The following EBF2 variants were observed in gnomAD, a reference collection of about 807,000 sequenced individuals.
EBF2 encodes EBF transcription factor 2.
Under a neutral mutation model 72.8 loss-of-function variants are expected in EBF2, and 21 were observed. The ratio of observed to expected loss-of-function variants is 0.29; its 90% CI spans 0.20 to 0.42. The LOEUF (loss-of-function observed/expected upper bound fraction) is 0.42, where lower values mean the gene tolerates loss of function less well. Ranked by LOEUF, EBF2 falls within the 10% of genes least tolerant of loss-of-function variation. The pLI, the probability that EBF2 is intolerant of heterozygous loss-of-function variation, is 1.00. For missense variants in EBF2, 637 were observed against 731.2 expected, an observed-to-expected ratio of 0.87 and a Z score of 1.49; for synonymous variants, 299 against 274.2, an observed-to-expected ratio of 1.09 and a Z score of -0.89.
rs185796202 is a variant in EBF2 at position 26,009,873 on chromosome 8, A to C, written c.551+23212T>G. Among the ~76,000 whole-genome samples, 5 of 152,348 alleles carry C rather than the reference A, an allele frequency of 3.3e-5. No individual in the cohort carries two copies. The East Asian group carries it at 9.6e-4, about 29-fold the overall frequency. On this transcript the variant is annotated intron_variant, in intron 6 of 15. Transcript: ENST00000520164. ...CTGCTGACATCCTAAGCCAAGAAGA[A>C]AAACATGCATTTAAAGAACAAGGAG...
chr8:26,004,036 C>T (rs1804786813), intron 6 of EBF2, among the ~76,000 whole-genome samples: 1 of 151,602 alleles, frequency 6.6e-6, no homozygotes, highest in Admixed American at 6.6e-5. Flanking sequence ...AGGACTTTCA[C>T]TTCTAGGTGT....
chr8:25,997,270 T>A (rs1017471899), intron 6 of EBF2, among the ~76,000 whole-genome samples: 2 of 152,028 alleles, frequency 1.3e-5, no homozygotes, highest in African/African-American at 4.8e-5. Flanking sequence ...ATGCAATAGT[T>A]AAGAAAAAGA....
chr8:26,006,469 T>C (rs1169585007), intron 6 of EBF2, among the ~76,000 whole-genome samples: 3 of 152,226 alleles, frequency 2.0e-5, no homozygotes. Flanking sequence ...CTCAGGTCTT[T>C]GCTATTCTAG....
At chr8:25,931,517 A>G (rs1025388232) in intron 6 of EBF2, among the ~76,000 whole-genome samples, 1 of 152,244 alleles carries the variant, frequency 6.6e-6, no homozygotes, top group African/African-American at 2.4e-5. Flanking sequence ...AATTCACTCC[A>G]AATTGCTCCT....
intron 7 of EBF2, among the ~76,000 whole-genome samples, chr8:25,907,419 CAAAAAAAAAAAAAA>C (rs55695734): frequency 5.8e-3 from 168 of 28,898 alleles, no homozygotes; most frequent in South Asian, 9.7e-3. Flanking sequence ...GACCCTGCCT[CAAAAAAAAAAAAAA>C]AAAAAAAAAA....
intron 6 of EBF2, among the ~76,000 whole-genome samples, chr8:26,015,084 G>A (rs1323763004): frequency 6.6e-6 from 1 of 152,122 alleles, no homozygotes; most frequent in Non-Finnish European, 1.5e-5. Context: ...AAGAGTGGAG[G>A]AAACAAATGT....
intron 6 of EBF2, among the ~76,000 whole-genome samples, chr8:25,924,881 A>G (rs531054878): frequency 7.3e-4 from 111 of 152,364 alleles, no homozygotes; most frequent in African/African-American, 2.6e-3. Flanking sequence ...TGACACTTAA[A>G]GTGCCTATAT....
intron 6 of EBF2, among the ~76,000 whole-genome samples, chr8:25,984,312 G>A (rs1332425468): frequency 2.0e-5 from 3 of 152,126 alleles, no homozygotes; most frequent in Admixed American, 6.5e-5. Flanking sequence ...ATATAATTAA[G>A]AGCATATGTA....
chr8:25,940,141 A>G (rs2117155602), intron 6 of EBF2, among the ~76,000 whole-genome samples: 1 of 152,346 alleles, frequency 6.6e-6, no homozygotes, highest in East Asian at 1.9e-4. Context: ...AGACTATTAG[A>G]ACTGGAAGAG....
At chr8:26,020,906 G>A (rs1805194092) in intron 6 of EBF2, among the ~76,000 whole-genome samples, 1 of 152,134 alleles carries the variant, frequency 6.6e-6, no homozygotes, top group South Asian at 2.1e-4. Context: ...GCGTTAAATC[G>A]AAGTAAAGTC....
At position 25,856,916 on chromosome 8, in the gene EBF2, C is replaced by A. The variant is rs538315622; in HGVS notation, c.1528+1403G>T. On this transcript the variant is annotated intron_variant, in intron 14 of 15. Transcript: ENST00000520164. ...AGACCAAATGATATTCATGCTGGCC[C>A]TGGCATTTTCTAATTTCCTGAACCA... Among the ~76,000 whole-genome samples, 5 of 152,322 alleles carry A rather than the reference C, an allele frequency of 3.3e-5. No homozygotes were observed. In the South Asian group the frequency reaches 1.0e-3, roughly 32 times the overall value.
chr8:25,935,060 A>T (rs1045459163), intron 6 of EBF2, among the ~76,000 whole-genome samples: 1 of 152,182 alleles, frequency 6.6e-6, no homozygotes, highest in African/African-American at 2.4e-5. Context: ...TCCCAACGCG[A>T]CAACTAGACT....
chr8:25,899,678 G>C (rs1375679278), intron 7 of EBF2, among the ~76,000 whole-genome samples: 2 of 152,208 alleles, frequency 1.3e-5, no homozygotes, highest in African/African-American at 4.8e-5. Flanking sequence ...TCTTTTCCAA[G>C]ACATGAGTAG....
At position 26,044,113 on chromosome 8, in the gene EBF2, G is replaced by A. The variant is rs1469773449; in HGVS notation, c.131+616C>T. Among the ~76,000 whole-genome samples the A allele has an allele frequency of 6.6e-6, 1 of 152,064 alleles. No individual in the cohort carries two copies. Among genetic ancestry groups the A allele is most frequent in the African/African-American group, 2.4e-5 (1 of 41,392 alleles). Reference sequence around the variant, plus strand: ...TTCTTTTCTCCAGTTCCCTAGCTCCGTTCGTCTGGCTCACTGTTTTATCTT... The same window carrying A: ...TTCTTTTCTCCAGTTCCCTAGCTCCATTCGTCTGGCTCACTGTTTTATCTT... On this transcript the variant is annotated intron_variant, in intron 1 of 15. Coordinates refer to ENST00000520164, the MANE Select transcript of EBF2 (RefSeq NM_022659.4). This position sits in a 1 kb window ranked among gnomAD's most constrained non-coding sequence, Gnocchi z 4.1.
chr8:25,867,389 A>C (rs1802351630), intron 10 of EBF2, among the ~76,000 whole-genome samples: 1 of 152,252 alleles, frequency 6.6e-6, no homozygotes, highest in Non-Finnish European at 1.5e-5. Flanking sequence ...AGCCAAGCCA[A>C]CAGGAACTTT....
At chr8:26,033,326 T>C (rs1585235089) in intron 5 of EBF2, among the ~76,000 whole-genome samples, 173 bp from the exon 6 acceptor site, 1 of 152,072 alleles carries the variant, frequency 6.6e-6, no homozygotes, top group African/African-American at 2.4e-5. Flanking sequence ...GCCTCCTGGG[T>C]TCAAGCAATT....
At chr8:26,002,771 C>T (rs1804753048) in intron 6 of EBF2, among the ~76,000 whole-genome samples, 1 of 152,110 alleles carries the variant, frequency 6.6e-6, no homozygotes, top group African/African-American at 2.4e-5. Context: ...GAAGCCTCTT[C>T]TAAAGTCAGA....
chr8:25,927,514 C>T (rs1803406203), intron 6 of EBF2, among the ~76,000 whole-genome samples: 1 of 151,974 alleles, frequency 6.6e-6, no homozygotes, highest in Non-Finnish European at 1.5e-5. Context: ...CTAGAGAGAA[C>T]TTCTATCACT....
intron 6 of EBF2, among the ~76,000 whole-genome samples, chr8:25,910,180 T>C (rs1258637326): frequency 6.6e-6 from 1 of 152,238 alleles, no homozygotes; most frequent in Non-Finnish European, 1.5e-5. Context: ...ATTGCTTTTA[T>C]GTAAGTAAAG....
Sources: gnomAD v4.1 joint callset for allele counts (sites outside exome capture counted in the v4.1 genomes callset) on GRCh38, gnomAD v4.1.1 for gene constraint, Gnocchi (gnomAD v3.1) non-coding constraint, MANE v1.5 for transcripts, NCBI Gene and HGNC (gene_info 2026-07-23, HGNC 2026-07-21) for gene names.